POLD1: variants seen among roughly 807,000 people sequenced by gnomAD.
POLD1 encodes the protein DNA polymerase delta 1, catalytic subunit, also known as DNA polymerase delta catalytic subunit.
POLD1 carries 79 observed loss-of-function variants against 129.7 expected under a neutral mutation model. The observed-to-expected ratio is 0.61, with a 90% CI of 0.51 to 0.73. POLD1 has a LOEUF of 0.73. Ranked by LOEUF, POLD1 falls within the 30% of genes least tolerant of loss-of-function variation. POLD1 has a pLI of 0.00. For missense variants in POLD1, 1,338 were observed against 1,595.8 expected, an observed-to-expected ratio of 0.84 and a Z score of 2.75; for synonymous variants, 714 against 683.3, an observed-to-expected ratio of 1.04 and a Z score of -0.70.
intron 1 of POLD1, among the ~76,000 whole-genome samples, chr19:50,385,952 C>T (rs1373758352): frequency 6.6e-6 from 1 of 152,054 alleles, no homozygotes; most frequent in African/African-American, 2.4e-5. Flanking sequence ...TTGGACAGGC[C>T]CTCTGCTGAG....
chr19:50,384,720 T>C (rs1398173648), intron 1 of POLD1, among the ~76,000 whole-genome samples: 1 of 152,118 alleles, frequency 6.6e-6, no homozygotes, highest in African/African-American at 2.4e-5. Context: ...GAGTACTCTG[T>C]GCCAGGCACT....
rs748893681 is a variant in POLD1 at position 50,416,537 on chromosome 19, G to A, written c.2953+9G>A. The A allele has an allele frequency of 1.9e-6, 3 of 1,551,862 alleles. No homozygotes were observed. Among genetic ancestry groups the A allele is most frequent in the Non-Finnish European group, 2.6e-6 (3 of 1,150,108 alleles). ...CGAGGCTGTGCTACTGCGTACGGGG[G>A]CACCAGGGGACTGGGGGCACCCTGG... is the stretch of plus-strand genomic sequence containing the variant. On this transcript the variant is annotated intron_variant, in intron 23 of 26. Transcript: ENST00000440232.
rs768113769 is a variant in POLD1, at chr19:50,401,752, C to T, written c.317-26C>T. 33 of 1,609,424 alleles carry T rather than the reference C, an allele frequency of 2.1e-5. No homozygotes were observed. The African/African-American group carries it at 3.2e-4, about 16-fold the overall frequency. ...CTTGGAGGACCCTGAGAGGCATGGC[C>T]GCTGTCTTACCCTGTGACCCCACAG... On this transcript the variant is annotated intron_variant, in intron 3 of 26. Coordinates refer to ENST00000440232, the MANE Select transcript of POLD1 (RefSeq NM_002691.4).
chr19:50,386,800 C>T (rs927017842), intron 1 of POLD1, among the ~76,000 whole-genome samples: 1 of 152,206 alleles, frequency 6.6e-6, no homozygotes, highest in Non-Finnish European at 1.5e-5. Flanking sequence ...CACACCCAGG[C>T]AGTCCAGAGA....
At position 50,403,528 on chromosome 19, in the gene POLD1, C is replaced by T. The variant is rs2230244; in HGVS notation, c.1173C>T (p.Asp391=). 7,769 of 1,614,038 alleles carry T rather than the reference C, an allele frequency of 4.8e-3. 324 individuals are homozygous for T. The African/African-American group carries it at 0.088, about 18-fold the overall frequency. Residue 391 remains aspartate (D), a synonymous_variant, in exon 10 of 27, where the codon GAC becomes GAT. Coordinates refer to ENST00000440232, the MANE Select transcript of POLD1 (RefSeq NM_002691.4). ...WSTFIRIMDP[D]VITGYNIQNF... is the part of the protein sequence containing the mutation. ...CCTTCATCCGTATCATGGACCCCGACGTGATCACCGGTTACAACATCCAGA... is the reference window on the plus strand; with the variant it reads ...CCTTCATCCGTATCATGGACCCCGATGTGATCACCGGTTACAACATCCAGA...
intron 18 of POLD1, 61 bp downstream of exon 18, chr19:50,413,582 G>C: frequency 1.3e-6 from 2 of 1,538,844 alleles, no homozygotes; most frequent in East Asian, 2.3e-5. Context: ...GATGGAAGCC[G>C]GGCCGGACCC....
rs948554916 is a variant in POLD1, at chr19:50,402,096, G to T, written c.561G>T (p.Val187=). ...GGAGGGAGCTGACTGGGCCGGCCGT[G>T]CTGGCTGTGGAACTGTGCTCCCGAG... ...RGGRELTGPA[V]LAVELCSRES... The change falls in exon 5 of 27, where the codon GTG becomes GTT. Residue 187 remains valine (V), a synonymous_variant. Coordinates refer to ENST00000440232, the MANE Select transcript of POLD1 (RefSeq NM_002691.4). 1 of 1,613,640 alleles carries T rather than the reference G, an allele frequency of 6.2e-7. No homozygotes were observed. Among genetic ancestry groups the T allele is most frequent in the Non-Finnish European group, 8.5e-7 (1 of 1,179,768 alleles).
chr19:50,402,010 G>C lies in POLD1; in HGVS notation c.475G>C (p.Glu159Gln), dbSNP rs969950434. The C allele has an allele frequency of 6.2e-7, 1 of 1,614,068 alleles. No individual in the cohort carries two copies. Among genetic ancestry groups the C allele is most frequent in the East Asian group, 2.2e-5 (1 of 44,852 alleles). The part of the protein sequence containing the change: ...YTPAPPGFGP[E>Q]HMGDLQRELN... ...CCCTCCCACACCAGGTTTCGGGCCC[G>C]AGCACATGGGTGACCTGCAACGGGA... Residue 159 changes from glutamate to glutamine, a missense_variant, in exon 5 of 27, where the codon GAG (glutamate) becomes CAG (glutamine). By Grantham distance (29) the Glu-to-Gln change is conservative. Transcript: ENST00000440232.
intron 17 of POLD1, among the ~76,000 whole-genome samples, chr19:50,412,757 T>C (rs2039130944): frequency 6.6e-6 from 1 of 150,820 alleles, no homozygotes; most frequent in African/African-American, 2.5e-5. Context: ...TTAAGTATTT[T>C]TTAGTTTTGT....
At position 50,413,798 on chromosome 19, in the gene POLD1, T is replaced by C. The variant is rs2122448509; in HGVS notation, c.2307T>C (p.Ala769=). The change falls in exon 19 of 27, where the codon GCT becomes GCC. Residue 769 remains alanine, a synonymous_variant. Coordinates refer to ENST00000440232, the MANE Select transcript of POLD1 (RefSeq NM_002691.4). Reference sequence around the variant, plus strand: ...GCCGATTCGGCGTGTCCTCGGTGGCTGAGGCGATGGCCCTGGGGCGGGAGG... The same window carrying C: ...GCCGATTCGGCGTGTCCTCGGTGGCCGAGGCGATGGCCCTGGGGCGGGAGG... The part of the protein sequence containing the change: ...VMCRFGVSSV[A]EAMALGREAA... 6.2e-7 allele frequency: 1 copy of C among 1,612,488 alleles called. No homozygotes were observed. The highest frequency in any genetic ancestry group is 8.5e-7 in the Non-Finnish European group (1 of 1,179,696).
chr19:50,388,754 T>C (rs1052137226), intron 1 of POLD1, among the ~76,000 whole-genome samples: 2 of 150,430 alleles, frequency 1.3e-5, no homozygotes, highest in Non-Finnish European at 3.0e-5. Context: ...CTTTTGTCCT[T>C]TTTTTGGCTG....
chr19:50,391,704 GGAGGGA>G (rs1159864899), intron 1 of POLD1, among the ~76,000 whole-genome samples: 18 of 141,226 alleles, frequency 1.3e-4, no homozygotes, highest in African/African-American at 4.7e-4. Context: ...AGGGGGAGGG[GGAGGGA>G]GAGGGAGAGG....
At position 50,402,758 on chromosome 19, in the gene POLD1, G is replaced by A. The variant is rs757395702; in HGVS notation, c.970+17G>A. ...GCCGCAAAGGTCTGTCCCCGGGCCCGGGCTCCTGCCCGCCTCATTGATGTG... is the reference window on the plus strand; with the variant it reads ...GCCGCAAAGGTCTGTCCCCGGGCCCAGGCTCCTGCCCGCCTCATTGATGTG... On this transcript the variant is annotated intron_variant, in intron 8 of 26. Coordinates refer to ENST00000440232, the MANE Select transcript of POLD1 (RefSeq NM_002691.4). The A allele has an allele frequency of 1.8e-5, 29 of 1,573,356 alleles. No individual in the cohort carries two copies. The highest frequency in any genetic ancestry group is 9.1e-5 in the South Asian group (8 of 87,716).
chr19:50,399,135 T>C, intron 2 of POLD1, 82 bp downstream of exon 2: 9 of 1,544,854 alleles, frequency 5.8e-6, no homozygotes, highest in Non-Finnish European at 7.9e-6. Context: ...GCTGCAAAGC[T>C]GACCTGTGAC....
chr19:50,398,283 G>A (rs1419338579), intron 1 of POLD1, among the ~76,000 whole-genome samples: 3 of 152,102 alleles, frequency 2.0e-5, no homozygotes, highest in Admixed American at 2.0e-4. Context: ...ATAAAGAGAT[G>A]TGCCAAGGCC....
chr19:50,413,407 A>C lies in POLD1; in HGVS notation c.2155-19A>C, dbSNP rs749445860. 4.3e-6 allele frequency: 7 copies of C among 1,609,212 alleles called. No homozygotes were observed. The highest frequency in any genetic ancestry group is 5.9e-6 in the Non-Finnish European group (7 of 1,177,058). On this transcript the variant is annotated intron_variant, in intron 17 of 26. Transcript: ENST00000440232. ...CATGGCCCCCAGGGCTTCACTCCGC[A>C]TGATTCTCTCCCCGACAGAGCGTCA...
chr19:50,386,627 C>G (rs929575769), intron 1 of POLD1, among the ~76,000 whole-genome samples: 1 of 152,226 alleles, frequency 6.6e-6, no homozygotes, highest in Non-Finnish European at 1.5e-5. Context: ...CTTGGAGGAG[C>G]TAAGCCTGAG....
At chr19:50,417,671 T>TCCCCCCCCCCCCCCCCCCCCCCCC (rs3840923) in intron 26 of POLD1, among the ~76,000 whole-genome samples, 171 bp from the exon 27 acceptor site, 33 of 110,506 alleles carry the variant, frequency 3.0e-4, no homozygotes, top group South Asian at 6.4e-4. Context: ...TGTTATCGGC[T>TCCCCCCCCCCCCCCCCCCCCCCCC]CCCCCCCCCC....
rs2039034006 is a variant in POLD1, at chr19:50,409,932, A to G, written c.2154+266A>G. On this transcript the variant is annotated intron_variant, in intron 17 of 26. Transcript: ENST00000440232. This position sits in a 1 kb window ranked among gnomAD's most constrained non-coding sequence, Gnocchi z 5.8. The stretch of plus-strand genomic sequence containing the variant: ...ATGGATGAGAGCTCCTGTCCCTGTC[A>G]TCTTGCAGCCCAGTGGGGACACTGA... Among the ~76,000 whole-genome samples the G allele has an allele frequency of 6.6e-6, 1 of 152,228 alleles. No homozygotes were observed. Among genetic ancestry groups the G allele is most frequent in the South Asian group, 2.1e-4 (1 of 4,832 alleles).
Sources: gnomAD v4.1 joint callset for allele counts (sites outside exome capture counted in the v4.1 genomes callset) on GRCh38, gnomAD v4.1.1 for gene constraint, Gnocchi (gnomAD v3.1) non-coding constraint, MANE v1.5 for transcripts, NCBI Gene and HGNC (gene_info 2026-07-23, HGNC 2026-07-21) for gene names.